Variants in SENP2 observed in about 807,000 individuals in gnomAD.
SENP2 encodes the protein SUMO specific peptidase 2.
A neutral mutation model predicts 86.3 loss-of-function variants in SENP2; 16 were observed. The ratio of observed to expected loss-of-function variants is 0.19; its 90% confidence interval spans 0.13 to 0.28. The LOEUF is 0.28. Among genes scored for constraint, SENP2 ranks in the 10% least tolerant of loss-of-function variants. The probability of loss-of-function intolerance (pLI) is 1.00; values close to 1 mark genes in which losing one functional copy is unlikely to be tolerated. For missense variants in SENP2, 552 were observed against 703.0 expected, an observed-to-expected ratio of 0.79 and a Z score of 2.43; for synonymous variants, 222 against 238.7, an observed-to-expected ratio of 0.93 and a Z score of 0.64.
chr3:185,589,810 T>C (rs1007040840), intron 1 of SENP2, among the ~76,000 whole-genome samples: 15 of 152,004 alleles, frequency 9.9e-5, no homozygotes, highest in Non-Finnish European at 2.2e-4. Flanking sequence ...CACACTCACT[T>C]ACCACCAAGG....
In SENP2 at chr3:185,587,570, A is replaced by ATTTTTTTTTTTTTTTTTTTTTTTTTTT. The variant is rs398052522; in HGVS notation, c.101+1070_101+1071insTTTTTTTTTTTTTTTTTTTTTTTTTTT. Among the ~76,000 whole-genome samples the ATTTTTTTTTTTTTTTTTTTTTTTTTTT allele has an allele frequency of 1.9e-4, 22 of 118,828 alleles. 3 individuals are homozygous for ATTTTTTTTTTTTTTTTTTTTTTTTTTT. The highest frequency in any genetic ancestry group is 2.6e-4 in the Non-Finnish European group (15 of 57,498). 78.0% of individuals were successfully genotyped at this position (118,828 alleles called of 152,430 possible). On this transcript the variant is annotated intron_variant, in intron 1 of 16. Coordinates refer to ENST00000296257, the MANE Select transcript of SENP2 (RefSeq NM_021627.3). ...CTTCAACTTTAGTGATCAAGTGTTAATTTTTTTTTTTTTTGAGAAGGAGTC... is the reference window on the plus strand; with the variant it reads ...CTTCAACTTTAGTGATCAAGTGTTAATTTTTTTTTTTTTTTTTTTTTTTTTTTTTTTTTTTTTTTTTGAGAAGGAGTC...
chr3:185,613,923 AC>A (rs1711507669), intron 10 of SENP2, among the ~76,000 whole-genome samples: 1 of 150,964 alleles, frequency 6.6e-6, no homozygotes, highest in South Asian at 2.1e-4. Context: ...TACAGTAGCC[AC>A]CTTTGTTTAT....
At position 185,614,639 on chromosome 3, in the gene SENP2, G is replaced by T. The variant is rs1711536501; in HGVS notation, c.1009G>T (p.Gly337Cys). 1 of 1,614,104 alleles carries T rather than the reference G, an allele frequency of 6.2e-7. No individual in the cohort carries two copies. Among genetic ancestry groups the T allele is most frequent in the Non-Finnish European group, 8.5e-7 (1 of 1,180,054 alleles). ...ARLRLGSGSN[G>C]LLRRKVSIIE... ...ACTCCGCCTGGGCAGTGGAAGCAAT[G>T]GCTTACTCAGGAGGAAAGTGTCAAT... Residue 337 changes from glycine (G) to cysteine (C), a missense_variant, in exon 11 of 17, where the codon GGC (glycine) becomes TGC (cysteine). Physicochemically the swap from Gly to Cys is radical, Grantham distance 159 (BLOSUM62 -3). Transcript: ENST00000296257.
intron 14 of SENP2, 148 bp from the exon 15 acceptor site, chr3:185,623,850 A>AAAAAAAC (rs1712009960): frequency 4.9e-6 from 2 of 406,512 alleles, no homozygotes; most frequent in Non-Finnish European, 8.5e-6. Context: ...AAAAAAAAAA[A>AAAAAAAC]TCCAGAAAGC....
intron 12 of SENP2, among the ~76,000 whole-genome samples, chr3:185,618,785 A>T (rs1461062815): frequency 6.6e-6 from 1 of 152,142 alleles, no homozygotes; most frequent in Non-Finnish European, 1.5e-5. Context: ...AGGCTGAGGC[A>T]GGAGAATGGT....
chr3:185,590,409 G>A (rs751590517), intron 2 of SENP2, among the ~76,000 whole-genome samples: 3 of 151,912 alleles, frequency 2.0e-5, no homozygotes, highest in Non-Finnish European at 4.4e-5. Context: ...TTAGCTTGCT[G>A]TGGTGGCAGG....
intron 5 of SENP2, 130 bp downstream of exon 5, chr3:185,600,985 T>A: frequency 1.6e-6 from 1 of 614,808 alleles, no homozygotes; most frequent in Non-Finnish European, 2.9e-6. Context: ...TTGCTGAATG[T>A]CATGCAGCCA....
chr3:185,586,359 G>T lies in SENP2; in HGVS notation c.-55G>T, dbSNP rs1448212287. The T allele has an allele frequency of 1.8e-5, 29 of 1,610,438 alleles. No homozygotes were observed. The highest frequency in any genetic ancestry group is 2.2e-5 in the East Asian group (1 of 44,836). On this transcript the variant is annotated 5_prime_UTR_variant, in exon 1 of 17. Transcript: ENST00000296257. This position sits in a 1 kb window ranked among gnomAD's most constrained non-coding sequence, Gnocchi z 4.3. ...GGCGAAGGCGGCAGCGGCGGCGACA[G>T]CTCTGGGGTTTGCGTCTCGGGGTGT...
intron 6 of SENP2, among the ~76,000 whole-genome samples, chr3:185,607,319 C>CT (rs758884593): frequency 0.12 from 7,906 of 66,100 alleles, 1,977 homozygotes; most frequent in Non-Finnish European, 0.17. Flanking sequence ...AGATTAGATT[C>CT]TTTTTTTTTT....
intron 6 of SENP2, chr3:185,606,705 A>G (rs2148987294): frequency 1.8e-6 from 1 of 550,274 alleles, no homozygotes. Flanking sequence ...TGAGGGGTTC[A>G]TGCTATGAGA....
At chr3:185,589,955 ACT>A (rs1332618209) in intron 1 of SENP2, among the ~76,000 whole-genome samples, 157 bp from the exon 2 acceptor site, 2 of 152,180 alleles carry the variant, frequency 1.3e-5, no homozygotes, top group Non-Finnish European at 2.9e-5. Flanking sequence ...GGCACGAGCC[ACT>A]GTGTCCCACC....
At chr3:185,617,362 T>C (rs1451709620) in intron 11 of SENP2, 118 bp from the exon 12 acceptor site, 1 of 707,162 alleles carries the variant, frequency 1.4e-6, no homozygotes, top group Non-Finnish European at 2.3e-6. Context: ...TGATAGTATA[T>C]TTTTCTCAAG....
chr3:185,604,861 T>C (rs1407833811), intron 5 of SENP2, among the ~76,000 whole-genome samples: 1 of 151,482 alleles, frequency 6.6e-6, no homozygotes, highest in Non-Finnish European at 1.5e-5. Context: ...GTTCGAGCAA[T>C]TCTCCTGCCT....
At chr3:185,607,028 C>T (rs1722536693) in intron 6 of SENP2, among the ~76,000 whole-genome samples, 1 of 150,160 alleles carries the variant, frequency 6.7e-6, no homozygotes, top group South Asian at 2.1e-4. Flanking sequence ...GTCACCCATG[C>T]TGGAGTGCAG....
In SENP2 at chr3:185,590,179, A is replaced by T; in HGVS notation, c.157+10A>T. 1 of 1,487,212 alleles carries T rather than the reference A, an allele frequency of 6.7e-7. No homozygotes were observed. Among genetic ancestry groups the T allele is most frequent in the Non-Finnish European group, 9.1e-7 (1 of 1,098,902 alleles). 92.1% of individuals were successfully genotyped at this position (1,487,212 alleles called of 1,614,324 possible). A position where few individuals can be genotyped will look rare whatever the true frequency, so the allele number is the denominator to read the frequency against. ...AAAAGACCAAGATTAGGTACTGAAT[A>T]TAAATTTTAAAAATTTTTAGTTTTT... On this transcript the variant is annotated intron_variant, in intron 2 of 16. Transcript: ENST00000296257.
At chr3:185,627,351 A>C (rs1712198327) in intron 16 of SENP2, among the ~76,000 whole-genome samples, 1 of 152,202 alleles carries the variant, frequency 6.6e-6, no homozygotes, top group Non-Finnish European at 1.5e-5. Context: ...CTGAAGCCAC[A>C]GGTCTAAGAT....
intron 11 of SENP2, among the ~76,000 whole-genome samples, chr3:185,616,326 G>C (rs1001664281): frequency 1.3e-5 from 2 of 150,396 alleles, no homozygotes; most frequent in Non-Finnish European, 3.0e-5. Flanking sequence ...CAAAAAAATA[G>C]CTGGCATGGT....
intron 2 of SENP2, among the ~76,000 whole-genome samples, chr3:185,595,144 A>G (rs1245441285): frequency 6.6e-6 from 1 of 152,212 alleles, no homozygotes; most frequent in African/African-American, 2.4e-5. Context: ...TTTTAAAAAA[A>G]TCAGTGAGAT....
At chr3:185,604,161 A>G (rs570622985) in intron 5 of SENP2, among the ~76,000 whole-genome samples, 82 of 152,324 alleles carry the variant, frequency 5.4e-4, no homozygotes, top group African/African-American at 1.9e-3. Flanking sequence ...ATATTTTCTA[A>G]TTTCTATTTT....
Sources: gnomAD v4.1 joint callset for allele counts (sites outside exome capture counted in the v4.1 genomes callset) on GRCh38, gnomAD v4.1.1 for gene constraint, Gnocchi (gnomAD v3.1) non-coding constraint, MANE v1.5 for transcripts, NCBI Gene and HGNC (gene_info 2026-07-23, HGNC 2026-07-21) for gene names.